Variants in SAMM50 observed in about 807,000 individuals in gnomAD.
The protein encoded by SAMM50 is sorting and assembly machinery component 50 homolog.
Under a neutral mutation model 66.9 loss-of-function variants are expected in SAMM50, and 47 were observed. The ratio of observed to expected loss-of-function variants is 0.70; its 90% CI spans 0.56 to 0.90. SAMM50 has a LOEUF of 0.90. Among genes scored for constraint, SAMM50 ranks in the 40% least tolerant of loss-of-function variants. The pLI, the probability that SAMM50 is intolerant of heterozygous loss-of-function variation, is 0.00. For synonymous variants in SAMM50, 191 were observed against 214.1 expected, an observed-to-expected ratio of 0.89 and a Z score of 0.94; for missense variants, 535 against 595.3, an observed-to-expected ratio of 0.90 and a Z score of 1.05.
At chr22:43,981,495 A>C in intron 11 of SAMM50, 34 bp downstream of exon 11, 1 of 1,453,492 alleles carries the variant, frequency 6.9e-7, no homozygotes, top group Non-Finnish European at 9.7e-7. Flanking sequence ...TAATTTGCAC[A>C]TATTTTCCTT....
At chr22:43,973,455 G>A in intron 7 of SAMM50, 132 bp downstream of exon 7, 1 of 610,914 alleles carries the variant, frequency 1.6e-6, no homozygotes, top group Non-Finnish European at 3.0e-6. Context: ...GTACCTCCTG[G>A]CCAGGTGCCT....
At chr22:43,955,670 G>T in intron 1 of SAMM50, 72 bp downstream of exon 1, 1 of 1,465,272 alleles carries the variant, frequency 6.8e-7, no homozygotes, top group Non-Finnish European at 9.3e-7. Flanking sequence ...GCGGGGAGAC[G>T]CTCTCGTGGC....
At chr22:43,994,399 C>G (rs1221629245) in intron 14 of SAMM50, among the ~76,000 whole-genome samples, 1 of 152,160 alleles carries the variant, frequency 6.6e-6, no homozygotes, top group Non-Finnish European at 1.5e-5. Context: ...GCTGAGGTCC[C>G]CATGACTACA....
rs1273593672 is a variant in SAMM50, at chr22:43,972,287, TGAG to T, written c.378_380del (p.Arg127del). On this transcript the variant is annotated inframe_deletion, in exon 5 of 15. Transcript: ENST00000350028. ...GACGTTACCTTTGAAGTAACTGAAT[TGAG>T]GAGATTAACGGGCAGTTATAACACC... 3 of 1,607,524 alleles carry T rather than the reference TGAG, an allele frequency of 1.9e-6. No homozygotes were observed. Among genetic ancestry groups the T allele is most frequent in the Non-Finnish European group, 1.7e-6 (2 of 1,178,410 alleles).
In SAMM50 at chr22:43,996,469, A is replaced by G; in HGVS notation, c.*86A>G. On this transcript the variant is annotated 3_prime_UTR_variant, in exon 15 of 15. Transcript: ENST00000350028. ...ACCGTCTCTCGAGGAAACGCGGTTC[A>G]GCGATTCTTTGACTGCGGACCCTGT... 7.6e-7 allele frequency: 1 copy of G among 1,308,826 alleles called. No individual in the cohort carries two copies. The highest frequency in any genetic ancestry group is 1.2e-5 in the South Asian group (1 of 84,908). 81.1% of individuals were successfully genotyped at this position (1,308,826 alleles called of 1,614,324 possible).
rs1410525145 is a variant in SAMM50, at chr22:43,963,307, A to G, written c.43A>G (p.Ser15Gly). 4 of 1,611,326 alleles carry G rather than the reference A, an allele frequency of 2.5e-6. No individual in the cohort carries two copies. Among genetic ancestry groups the G allele is most frequent in the South Asian group, 1.1e-5 (1 of 90,512 alleles). The change falls in exon 2 of 15, where the codon AGT becomes GGT. Residue 15 changes from serine (S) to glycine (G), a missense_variant. By Grantham distance (56) the Ser-to-Gly change is moderately conservative. Coordinates refer to ENST00000350028, the MANE Select transcript of SAMM50 (RefSeq NM_015380.5). ...HARSLEPLPS[S>G]GPDFGGLGEE... ...TCAGAGTTTGGAGCCTCTTCCATCA[A>G]GTGGACCTGATTTTGGAGGATTAGG...
intron 9 of SAMM50, among the ~76,000 whole-genome samples, chr22:43,977,518 T>C (rs1433856829): frequency 6.6e-6 from 1 of 152,182 alleles, no homozygotes; most frequent in African/African-American, 2.4e-5. Context: ...CAGGTTTTTA[T>C]ACAAAATAGC....
At chr22:43,966,806 G>A (rs2050175795) in intron 3 of SAMM50, among the ~76,000 whole-genome samples, 1 of 90,504 alleles carries the variant, frequency 1.1e-5, no homozygotes, top group South Asian at 4.1e-4. Flanking sequence ...ATGAGATCCA[G>A]CATTTTTTTT....
intron 10 of SAMM50, among the ~76,000 whole-genome samples, chr22:43,978,683 G>C (rs1427033509): frequency 6.6e-6 from 1 of 151,188 alleles, no homozygotes; most frequent in Non-Finnish European, 1.5e-5. Flanking sequence ...AGTTTCTCCT[G>C]ATTCACTCAG....
At chr22:43,972,444 C>A in intron 5 of SAMM50, 102 bp downstream of exon 5, 1 of 622,736 alleles carries the variant, frequency 1.6e-6, no homozygotes, top group South Asian at 2.9e-5. Flanking sequence ...AAAATTCGGT[C>A]ATTTCATTTA....
chr22:43,965,708 A>G (rs772184398), intron 3 of SAMM50, among the ~76,000 whole-genome samples: 5 of 146,044 alleles, frequency 3.4e-5, no homozygotes, highest in Non-Finnish European at 7.4e-5. Context: ...ATGTTCCTTA[A>G]ACAGTAATGC....
At chr22:43,968,149 C>G (rs937629829) in intron 3 of SAMM50, among the ~76,000 whole-genome samples, 2 of 145,034 alleles carry the variant, frequency 1.4e-5, no homozygotes, top group Non-Finnish European at 3.0e-5. Flanking sequence ...ATGGCTTGAA[C>G]CTGGGAGGCA....
chr22:43,984,461 C>T (rs768739891), intron 12 of SAMM50, among the ~76,000 whole-genome samples: 7 of 150,610 alleles, frequency 4.6e-5, no homozygotes, highest in African/African-American at 9.8e-5. Context: ...TACAGGCACC[C>T]GCCACCATGC....
chr22:43,963,805 C>T (rs187514509), intron 2 of SAMM50, among the ~76,000 whole-genome samples: 44 of 152,268 alleles, frequency 2.9e-4, no homozygotes, highest in Non-Finnish European at 5.6e-4. Context: ...TACTCTCTAG[C>T]GAGACTGAGA....
Position 43,963,865 on chromosome 22 carries a change from C to A in SAMM50, c.132+469C>A, listed in dbSNP as rs551499172. ...TTTATTGTGCCACCTGAAATCCCTG[C>A]GGGGTCTTTAGAGGATGCATACAGT... is the stretch of plus-strand genomic sequence containing the variant. On this transcript the variant is annotated intron_variant, in intron 2 of 14. Coordinates refer to ENST00000350028, the MANE Select transcript of SAMM50 (RefSeq NM_015380.5). Among the ~76,000 whole-genome samples the A allele has an allele frequency of 6.1e-4, 93 of 152,152 alleles. 1 individual carries two copies. In the South Asian group the frequency reaches 0.019, roughly 31 times the overall value.
At chr22:43,991,137 C>T (rs192668841) in intron 14 of SAMM50, among the ~76,000 whole-genome samples, 6 of 152,018 alleles carry the variant, frequency 3.9e-5, no homozygotes, top group East Asian at 1.9e-4. Context: ...TCACCACACC[C>T]GGCTAATTTT....
chr22:43,975,008 C>CT (rs1036403503), intron 7 of SAMM50: 15 of 152,386 alleles, frequency 9.8e-5, no homozygotes, highest in African/African-American at 3.6e-4. Flanking sequence ...TGAAGCTGAG[C>CT]TCCTAGAGGA....
At position 43,972,314 on chromosome 22, in the gene SAMM50, C is replaced by A. The variant is rs781608078; in HGVS notation, c.401C>A (p.Thr134Asn). 1.2e-6 allele frequency: 2 copies of A among 1,603,396 alleles called. No individual in the cohort carries two copies. Among genetic ancestry groups the A allele is most frequent in the Non-Finnish European group, 1.7e-6 (2 of 1,175,986 alleles). The stretch of plus-strand genomic sequence containing the variant: ...AGGAGATTAACGGGCAGTTATAACA[C>A]CATGGTTGGAAACAATGAAGGCAGT... Reference protein sequence around the residue: ...ELRRLTGSYNTMVGNNEGSMV... With the variant: ...ELRRLTGSYNNMVGNNEGSMV... Residue 134 changes from threonine to asparagine, a missense_variant, in exon 5 of 15, where the codon ACC becomes AAC. Coordinates refer to ENST00000350028, the MANE Select transcript of SAMM50 (RefSeq NM_015380.5).
intron 14 of SAMM50, among the ~76,000 whole-genome samples, chr22:43,993,268 G>A (rs1357653347): frequency 1.3e-5 from 2 of 152,244 alleles, no homozygotes; most frequent in Admixed American, 6.5e-5. Flanking sequence ...ACCCGCCACT[G>A]TGCACGTCTC....
Sources: gnomAD v4.1 joint callset for allele counts (sites outside exome capture counted in the v4.1 genomes callset) on GRCh38, gnomAD v4.1.1 for gene constraint, MANE v1.5 for transcripts, NCBI Gene and HGNC (gene_info 2026-07-23, HGNC 2026-07-21) for gene names.